PRKN: variants seen among roughly 807,000 people sequenced by gnomAD.
PRKN encodes the protein E3 ubiquitin-protein ligase parkin.
Under a neutral mutation model 59.5 loss-of-function variants are expected in PRKN, and 56 were observed. The ratio of observed to expected loss-of-function variants is 0.94; its 90% CI spans 0.76 to 1.18. The LOEUF is 1.18. Among genes scored for constraint, PRKN ranks in the 50% most tolerant of loss-of-function variants. PRKN has a pLI of 0.00. For missense variants in PRKN, 657 were observed against 596.4 expected (o/e 1.10, Z -1.06); for synonymous variants, 250 against 222.1 (o/e 1.13, Z -1.12).
chr6:162,510,364 A>G (rs546126491), intron 1 of PRKN, among the ~76,000 whole-genome samples: 6 of 150,816 alleles, frequency 4.0e-5, no homozygotes, highest in South Asian at 2.1e-4. Context: ...TGCATTTTCC[A>G]TATGATGATG....
Position 161,928,229 on chromosome 6 carries a change from T to G in PRKN, c.734+45073A>C, listed in dbSNP as rs1779037768. On this transcript the variant is annotated intron_variant, in intron 6 of 11. Coordinates refer to ENST00000366898, the MANE Select transcript of PRKN (RefSeq NM_004562.3). Reference sequence around the variant, plus strand: ...TTCAAAACTGTCAGAAATAAATATCTGTTGTTTATAAGCCATTTAATTGTG... The same window carrying G: ...TTCAAAACTGTCAGAAATAAATATCGGTTGTTTATAAGCCATTTAATTGTG... Among the ~76,000 whole-genome samples the G allele has an allele frequency of 3.3e-5, 5 of 152,350 alleles. No individual in the cohort carries two copies. The South Asian group carries it at 1.0e-3, about 32-fold the overall frequency.
At chr6:161,927,494 A>T (rs1032648199) in intron 6 of PRKN, among the ~76,000 whole-genome samples, 9 of 152,344 alleles carry the variant, frequency 5.9e-5, no homozygotes, top group South Asian at 4.1e-4. Flanking sequence ...CAAAGATGAT[A>T]ATAGAGTCCA....
At chr6:162,599,683 C>A (rs1285774296) in intron 1 of PRKN, among the ~76,000 whole-genome samples, 1 of 152,212 alleles carries the variant, frequency 6.6e-6, no homozygotes, top group Admixed American at 6.5e-5. Flanking sequence ...GCACACGTGG[C>A]CATTCTTCCC....
chr6:162,405,878 A>G (rs1788039934), intron 2 of PRKN, among the ~76,000 whole-genome samples: 1 of 152,158 alleles, frequency 6.6e-6, no homozygotes, highest in East Asian at 1.9e-4. Context: ...GAGAACATAT[A>G]AACCACGCAG....
intron 7 of PRKN, among the ~76,000 whole-genome samples, chr6:161,638,012 C>T (rs765790752): frequency 1.7e-4 from 26 of 152,132 alleles, no homozygotes; most frequent in African/African-American, 2.4e-4. Context: ...TTTTTCTATC[C>T]CCTTATTGGG....
chr6:162,545,074 C>T (rs1221620451), intron 1 of PRKN, among the ~76,000 whole-genome samples: 1 of 151,138 alleles, frequency 6.6e-6, no homozygotes, highest in Non-Finnish European at 1.5e-5. Context: ...ATCGTGAGGT[C>T]AGGAGTTGGA....
intron 1 of PRKN, among the ~76,000 whole-genome samples, chr6:162,468,203 T>C (rs915119015): frequency 2.6e-5 from 4 of 152,196 alleles, no homozygotes; most frequent in Non-Finnish European, 5.9e-5. Context: ...AATCAATAAA[T>C]AGAACATTCT....
At chr6:162,619,415 G>A (rs1782565745) in intron 1 of PRKN, among the ~76,000 whole-genome samples, 1 of 152,012 alleles carries the variant, frequency 6.6e-6, no homozygotes, top group Non-Finnish European at 1.5e-5. Context: ...CAAAGTGCTG[G>A]AAAACTATGC....
intron 1 of PRKN, among the ~76,000 whole-genome samples, chr6:162,553,070 G>T (rs1779394878): frequency 2.0e-5 from 3 of 152,170 alleles, no homozygotes; most frequent in Admixed American, 2.0e-4. Context: ...AAGGGAAAAT[G>T]GGGCAAGAAG....
At chr6:161,367,084 G>T (rs1385745380) in intron 10 of PRKN, among the ~76,000 whole-genome samples, 1 of 142,988 alleles carries the variant, frequency 7.0e-6, no homozygotes, top group Non-Finnish European at 1.5e-5. Flanking sequence ...TCCGCCTCCC[G>T]GGTTCACGCC....
At chr6:162,256,250 A>G (rs1779635196) in intron 3 of PRKN, among the ~76,000 whole-genome samples, 1 of 152,146 alleles carries the variant, frequency 6.6e-6, no homozygotes, top group Non-Finnish European at 1.5e-5. Context: ...TATATAATAG[A>G]TATTTTATTA....
intron 6 of PRKN, among the ~76,000 whole-genome samples, chr6:161,885,738 T>G (rs1007617666): frequency 2.6e-5 from 4 of 151,550 alleles, no homozygotes; most frequent in Admixed American, 1.3e-4. Context: ...CATTGGGATA[T>G]CATAAGAAAA....
chr6:161,736,585 T>C (rs368410406), intron 7 of PRKN, among the ~76,000 whole-genome samples: 4 of 152,146 alleles, frequency 2.6e-5, no homozygotes, highest in African/African-American at 4.8e-5. Context: ...CCTGGTCTAA[T>C]CTCCTTGTCA....
chr6:162,053,889 TAGGAAAGTGACCCTGAAAGG>T (rs1777751681), intron 5 of PRKN, among the ~76,000 whole-genome samples, 182 bp downstream of exon 5: 1 of 152,150 alleles, frequency 6.6e-6, no homozygotes, highest in African/African-American at 2.4e-5. Context: ...ATTAAGTCAC[TAGGAAAGTGACCCTGAAAGG>T]CAGGGGCACA....
At chr6:161,972,550 G>A (rs1242502648) in intron 6 of PRKN, among the ~76,000 whole-genome samples, 1 of 152,170 alleles carries the variant, frequency 6.6e-6, no homozygotes, top group Non-Finnish European at 1.5e-5. Flanking sequence ...ACATTTGCTT[G>A]CTTTTCTTGT....
intron 4 of PRKN, among the ~76,000 whole-genome samples, chr6:162,074,749 C>T (rs1231766119): frequency 3.3e-5 from 5 of 152,136 alleles, no homozygotes; most frequent in Non-Finnish European, 7.3e-5. Context: ...CATTACTTAC[C>T]GAGTCCCTCC....
chr6:162,266,798 A>G (rs1374103380), intron 2 of PRKN, among the ~76,000 whole-genome samples: 2 of 152,176 alleles, frequency 1.3e-5, no homozygotes, highest in Non-Finnish European at 2.9e-5. Flanking sequence ...TAGTATTGTT[A>G]CCATTTATGA....
intron 5 of PRKN, among the ~76,000 whole-genome samples, chr6:162,051,353 T>A (rs1408832876): frequency 6.6e-6 from 1 of 152,110 alleles, no homozygotes; most frequent in Admixed American, 6.5e-5. Context: ...GAGTGTAATG[T>A]GTGAAGAAGC....
At chr6:162,024,322 A>G (rs1783336278) in intron 5 of PRKN, among the ~76,000 whole-genome samples, 1 of 142,318 alleles carries the variant, frequency 7.0e-6, no homozygotes, top group Admixed American at 7.5e-5. Flanking sequence ...TTCAGCCCCC[A>G]GGTAGCTGGG....
Sources: allele counts gnomAD v4.1 joint callset (sites outside exome capture counted in the v4.1 genomes callset), GRCh38; gene constraint gnomAD v4.1.1; transcripts MANE v1.5; gene names NCBI Gene and HGNC (gene_info 2026-07-23, HGNC 2026-07-21).